Variants in USP6 observed in about 807,000 individuals in gnomAD.
The protein encoded by USP6 is ubiquitin carboxyl-terminal hydrolase 6.
USP6 carries 128 observed loss-of-function variants against 175.7 expected under a neutral mutation model. The ratio of observed to expected loss-of-function variants is 0.73; its 90% CI spans 0.63 to 0.84. The LOEUF is 0.84. Among genes scored for constraint, USP6 ranks in the 40% least tolerant of loss-of-function variants. The pLI, the probability that USP6 is intolerant of heterozygous loss-of-function variation, is 0.00. For missense variants in USP6, 1,498 were observed against 1,760.3 expected, an observed-to-expected ratio of 0.85 and a Z score of 2.67; for synonymous variants, 562 against 630.6, an observed-to-expected ratio of 0.89 and a Z score of 1.63.
intron 34 of USP6, 25 bp from the exon 35 acceptor site, chr17:5,168,742 A>G: frequency 6.5e-7 from 1 of 1,536,554 alleles, no homozygotes; most frequent in Admixed American, 2.1e-5. Context: ...CTTTAATGCG[A>G]TGTTTTCTAC....
At chr17:5,134,958 G>C in intron 15 of USP6, 1 of 404,114 alleles carries the variant, frequency 2.5e-6, no homozygotes, top group South Asian at 2.1e-5. Flanking sequence ...TGGAGGAACT[G>C]TGCACCCAAA....
chr17:5,140,630 G>T (rs2073418206), intron 22 of USP6, among the ~76,000 whole-genome samples: 1 of 152,106 alleles, frequency 6.6e-6, no homozygotes, highest in Non-Finnish European at 1.5e-5. Context: ...ATAATAATGT[G>T]AACTATTATC....
At position 5,167,888 on chromosome 17, in the gene USP6, T is replaced by G. The variant is rs746080483; in HGVS notation, c.3037-44T>G. On this transcript the variant is annotated intron_variant, in intron 33 of 37. Transcript: ENST00000574788. The stretch of plus-strand genomic sequence containing the variant: ...TGCATAGCTAGATCACCAGTTTAAA[T>G]GCCTTCCCACACACCCCTTTCCTCC... The G allele has an allele frequency of 6.4e-5, 101 of 1,574,958 alleles. No individual in the cohort carries two copies. The Admixed American group carries it at 1.7e-3, about 27-fold the overall frequency.
rs920271917 is a variant in USP6, at chr17:5,120,608, T to A, written c.-1836-19T>A. Reference sequence around the variant, plus strand: ...CCCAGGATGGCCTTGGGTGAGCTCCTGCTGTCCTCTCTGCCCAGGAAATGA... The same window carrying A: ...CCCAGGATGGCCTTGGGTGAGCTCCAGCTGTCCTCTCTGCCCAGGAAATGA... On this transcript the variant is annotated intron_variant, in intron 2 of 37. Coordinates refer to ENST00000574788, the MANE Select transcript of USP6 (RefSeq NM_001304284.2). 5.4e-6 allele frequency: 2 copies of A among 369,932 alleles called. No homozygotes were observed. Among genetic ancestry groups the A allele is most frequent in the African/African-American group, 4.3e-5 (2 of 46,922 alleles). 22.9% of individuals were successfully genotyped at this position (369,932 alleles called of 1,614,324 possible).
chr17:5,141,699 A>G (rs2073452286), intron 23 of USP6, among the ~76,000 whole-genome samples, 200 bp downstream of exon 23: 3 of 152,132 alleles, frequency 2.0e-5, no homozygotes, highest in African/African-American at 7.2e-5. Flanking sequence ...TAACTCTGCA[A>G]TTTAATAATT....
In USP6 at chr17:5,116,283, G is replaced by A. The variant is rs1272644277; in HGVS notation, c.-2385G>A. On this transcript the variant is annotated 5_prime_UTR_variant, in exon 1 of 38. Coordinates refer to ENST00000574788, the MANE Select transcript of USP6 (RefSeq NM_001304284.2). Reference sequence around the variant, plus strand: ...CGCCACTCCCGGCCCCGCTCCGGGCGGCCCCCCTCACCACTCCCGGCCCCG... The same window carrying A: ...CGCCACTCCCGGCCCCGCTCCGGGCAGCCCCCCTCACCACTCCCGGCCCCG... Among the ~76,000 whole-genome samples the A allele has an allele frequency of 6.6e-6, 1 of 151,968 alleles. No individual in the cohort carries two copies. The highest frequency in any genetic ancestry group is 1.9e-4 in the East Asian group (1 of 5,180).
In USP6 at chr17:5,160,324, T is replaced by C. The variant is rs1177765338; in HGVS notation, c.2829-1204T>C. On this transcript the variant is annotated intron_variant, in intron 31 of 37. Coordinates refer to ENST00000574788, the MANE Select transcript of USP6 (RefSeq NM_001304284.2). ...ATAGCCCATGTAATAACCACTATCATTTGCCAGATGAGCTGTAAAGTATGC... is the reference window on the plus strand; with the variant it reads ...ATAGCCCATGTAATAACCACTATCACTTGCCAGATGAGCTGTAAAGTATGC... Among the ~76,000 whole-genome samples the C allele has an allele frequency of 2.6e-5, 4 of 152,072 alleles. No individual in the cohort carries two copies. In the South Asian group the frequency reaches 8.3e-4, roughly 31 times the overall value.
chr17:5,167,598 A>T (rs147885265), intron 33 of USP6, among the ~76,000 whole-genome samples: 6 of 151,964 alleles, frequency 3.9e-5, no homozygotes, highest in African/African-American at 1.5e-4. Flanking sequence ...TGCAACCTCT[A>T]CCTCCCAGAC....
chr17:5,136,555 C>T (rs1466633919), intron 17 of USP6, 85 bp from the exon 18 acceptor site: 20 of 1,532,816 alleles, frequency 1.3e-5, no homozygotes, highest in Middle Eastern at 2.4e-4. Flanking sequence ...GTTTGGGGGC[C>T]TCTGCAGCTG....
chr17:5,123,913 ACACACG>A (rs1173586820), intron 4 of USP6, among the ~76,000 whole-genome samples: 1 of 117,238 alleles, frequency 8.5e-6, no homozygotes, highest in African/African-American at 3.2e-5. Flanking sequence ...GCGCACACAC[ACACACG>A]CACACACACA....
Position 5,135,426 on chromosome 17 carries a change from G to T in USP6, c.543+144G>T, listed in dbSNP as rs1598009110. On this transcript the variant is annotated intron_variant, in intron 16 of 37. Transcript: ENST00000574788. ...GAGGTAGGATTCTAGGTCACCGCTGGCATAAACCTCCAAGCAAGGGGGTGG... is the reference window on the plus strand; with the variant it reads ...GAGGTAGGATTCTAGGTCACCGCTGTCATAAACCTCCAAGCAAGGGGGTGG... 3 of 1,182,432 alleles carry T rather than the reference G, an allele frequency of 2.5e-6. No individual in the cohort carries two copies. The Admixed American group carries it at 6.1e-5, about 24-fold the overall frequency. 73.2% of individuals were successfully genotyped at this position (1,182,432 alleles called of 1,614,324 possible). A position where few individuals can be genotyped will look rare whatever the true frequency, so the allele number is the denominator to read the frequency against.
chr17:5,161,805 C>A (rs1289392181), intron 32 of USP6, among the ~76,000 whole-genome samples, 191 bp downstream of exon 32: 1 of 152,194 alleles, frequency 6.6e-6, no homozygotes, highest in Admixed American at 6.5e-5. Flanking sequence ...CACCTGAGAT[C>A]AGGAGTTTGA....
chr17:5,168,904 A>T lies in USP6; in HGVS notation c.3366A>T (p.Pro1122=). The part of the protein sequence containing the change: ...PRDPALCQHK[P]LTPQGDELSK... ...ACCCGGCCCTCTGCCAGCATAAACC[A>T]CTCACACCCCAGGGGGATGAGCTCT... Residue 1122 remains proline (P), a synonymous_variant, in exon 35 of 38, where the codon CCA becomes CCT. Coordinates refer to ENST00000574788, the MANE Select transcript of USP6 (RefSeq NM_001304284.2). 3.7e-6 allele frequency: 6 copies of T among 1,613,844 alleles called. No homozygotes were observed. Among genetic ancestry groups the T allele is most frequent in the Non-Finnish European group, 5.1e-6 (6 of 1,179,842 alleles).
Position 5,148,645 on chromosome 17 carries a change from C to G in USP6, c.2521C>G (p.Pro841Ala). The change falls in exon 30 of 38, where the codon CCA (proline) becomes GCA (alanine). Residue 841 changes from proline (P) to alanine (A), a missense_variant. Physicochemically the swap from Pro to Ala is conservative, Grantham distance 27 (BLOSUM62 -1). Around this residue, in one of 2 missense-constraint regions of USP6, gnomAD observed 1,217 missense variants for 1,500.8 expected, o/e 0.81. Coordinates refer to ENST00000574788, the MANE Select transcript of USP6 (RefSeq NM_001304284.2). ...PKPIFIPNGM[P>A]NTVVPCGTEK... The stretch of plus-strand genomic sequence containing the variant: ...ACCAATATTCATCCCCAATGGAATG[C>G]CAAACACTGTTGTGCCATGTGGAAC... 1.9e-6 allele frequency: 3 copies of G among 1,613,932 alleles called. No individual in the cohort carries two copies. The highest frequency in any genetic ancestry group is 1.7e-6 in the Non-Finnish European group (2 of 1,179,854).
At chr17:5,171,552 C>G in intron 36 of USP6, 35 bp from the exon 37 acceptor site, 1 of 1,606,344 alleles carries the variant, frequency 6.2e-7, no homozygotes, top group Non-Finnish European at 8.5e-7. Flanking sequence ...GTACAGTTAA[C>G]TACTAACATA....
chr17:5,133,794 C>T, intron 14 of USP6, 93 bp from the exon 15 acceptor site: 3 of 1,378,342 alleles, frequency 2.2e-6, no homozygotes, highest in Non-Finnish European at 3.1e-6. Context: ...TTCCTTCCTT[C>T]CCGAAGTGCT....
In USP6 at chr17:5,170,817, A is replaced by G. The variant is rs1345210337; in HGVS notation, c.3856A>G (p.Ser1286Gly). ...TGGCAATGGCTGTGGCGATGGCTAC[A>G]GCAATGGTCAGCTTGGAAACCACAG... ...ACGNGCGDGY[S>G]NGQLGNHSEE... The change falls in exon 36 of 38, where the codon AGC becomes GGC. Residue 1286 changes from serine to glycine, a missense_variant. Coordinates refer to ENST00000574788, the MANE Select transcript of USP6 (RefSeq NM_001304284.2). The G allele has an allele frequency of 1.9e-6, 3 of 1,613,390 alleles. No individual in the cohort carries two copies. The highest frequency in any genetic ancestry group is 2.5e-6 in the Non-Finnish European group (3 of 1,179,890).
Position 5,139,561 on chromosome 17 carries a change from A to G in USP6, c.1385A>G (p.Asp462Gly), listed in dbSNP as rs1187269128. The G allele has an allele frequency of 1.9e-6, 3 of 1,613,840 alleles. No homozygotes were observed. Reference protein sequence around the residue: ...KSMPRLPTDLDIGGPWFPHYD... With the variant: ...KSMPRLPTDLGIGGPWFPHYD... ...ATGCCCCGGCTCCCAACGGACCTGG[A>G]TATAGGGGGCCCTTGGTTCCCCCAT... is the stretch of plus-strand genomic sequence containing the variant. The change falls in exon 22 of 38, where the codon GAT becomes GGT. Residue 462 changes from aspartate to glycine, a missense_variant. Physicochemically the swap from Asp to Gly is moderately conservative, Grantham distance 94. This residue lies in a region of USP6 where 1,217 missense variants were observed against 1,500.8 expected (regional missense o/e 0.81). Coordinates refer to ENST00000574788, the MANE Select transcript of USP6 (RefSeq NM_001304284.2).
Position 5,172,845 on chromosome 17 carries a change from TTCTTTTCTA to T in USP6, c.4090_4098del (p.Leu1364_Tyr1366del). ...GAAATTGACACCGACTCTGCCTACA[TTCTTTTCTA>T]TGAGCAGCAGGGGATAGACTACGCA... is the stretch of plus-strand genomic sequence containing the variant. On this transcript the variant is annotated inframe_deletion, in exon 38 of 38. Coordinates refer to ENST00000574788, the MANE Select transcript of USP6 (RefSeq NM_001304284.2). The T allele has an allele frequency of 1.2e-6, 2 of 1,613,962 alleles. No homozygotes were observed. The highest frequency in any genetic ancestry group is 2.2e-5 in the South Asian group (2 of 91,076).
Sources: allele counts gnomAD v4.1 joint callset (sites outside exome capture counted in the v4.1 genomes callset), GRCh38; gene constraint gnomAD v4.1.1; regional missense constraint gnomAD v4.1.1; transcripts MANE v1.5; gene names NCBI Gene and HGNC (gene_info 2026-07-23, HGNC 2026-07-21).